The following RPS6KA2 variants were observed in gnomAD, a reference collection of about 807,000 sequenced individuals.
The protein encoded by RPS6KA2 is ribosomal protein S6 kinase A2.
Under a neutral mutation model 91.8 loss-of-function variants are expected in RPS6KA2, and 42 were observed. The ratio of observed to expected loss-of-function variants is 0.46; its 90% CI spans 0.36 to 0.59. The LOEUF (loss-of-function observed/expected upper bound fraction) is 0.59, where lower values mean the gene tolerates loss of function less well. RPS6KA2 is among the 20% of genes least tolerant of loss of function. The probability of loss-of-function intolerance (pLI) is 0.00; values close to 1 mark genes in which losing one functional copy is unlikely to be tolerated. For missense variants in RPS6KA2, 798 were observed against 978.5 expected (o/e 0.82, Z 2.46); for synonymous variants, 414 against 393.6 (o/e 1.05, Z -0.61).
rs143174202 is a variant in RPS6KA2 at position 166,648,510 on chromosome 6, C to T, written c.124-109726G>A. On this transcript the variant is annotated intron_variant, in intron 2 of 21. Transcript: ENST00000503859. The surrounding 1 kb of genome is among the most constrained non-coding windows in gnomAD (Gnocchi z 4.8). ...TCATTTGACAAACAGGCAGCTGGCA[C>T]GGGAAGGGGACGGGCATTTAATAAA... 3.2e-4 allele frequency among the ~76,000 whole-genome samples: 48 copies of T among 152,280 alleles called. No homozygotes were observed. The East Asian group carries it at 3.7e-3, about 12-fold the overall frequency.
chr6:166,568,528 G>A (rs1429138968), intron 1 of RPS6KA2, among the ~76,000 whole-genome samples: 1 of 146,888 alleles, frequency 6.8e-6, no homozygotes, highest in Non-Finnish European at 1.5e-5. Flanking sequence ...TGAGGCAGGA[G>A]AATTGCTTGA....
At chr6:166,862,310 G>A in exon 1 of RPS6KA2, 2 of 1,546,424 alleles carry the variant, frequency 1.3e-6, no homozygotes, top group Non-Finnish European at 1.7e-6. Context: ...CGGCGATGGA[G>A]AGGACAGATC....
intron 1 of RPS6KA2, among the ~76,000 whole-genome samples, chr6:166,597,030 T>C (rs60310382): frequency 0.049 from 7,375 of 152,030 alleles, 591 homozygotes; most frequent in African/African-American, 0.17. Context: ...TCAGGCACAG[T>C]CATGGGAACA....
intron 1 of RPS6KA2, among the ~76,000 whole-genome samples, chr6:166,558,934 A>T (rs759586999): frequency 6.6e-6 from 1 of 152,132 alleles, no homozygotes; most frequent in Non-Finnish European, 1.5e-5. Flanking sequence ...GAAAGATTAT[A>T]TTGGAGTTTC....
At chr6:166,499,448 T>C (rs1447145485) in intron 7 of RPS6KA2, among the ~76,000 whole-genome samples, 2 of 152,232 alleles carry the variant, frequency 1.3e-5, no homozygotes, top group Non-Finnish European at 2.9e-5. Context: ...AAATCTCACC[T>C]TGAATTGTAA....
chr6:166,708,129 T>C (rs928731168), intron 2 of RPS6KA2, among the ~76,000 whole-genome samples: 12 of 152,250 alleles, frequency 7.9e-5, no homozygotes, highest in African/African-American at 2.9e-4. Flanking sequence ...ATACTTACAC[T>C]TATTTATTAA....
At chr6:166,497,065 A>G (rs4710059) in intron 8 of RPS6KA2, among the ~76,000 whole-genome samples, 84,012 of 152,084 alleles carry the variant, frequency 0.55, 26,292 homozygotes, top group African/African-American at 0.86. Flanking sequence ...ACGGCAAAGC[A>G]AACCTGCCTC....
At chr6:166,451,372 GCC>G in intron 12 of RPS6KA2, 139 bp from the exon 13 acceptor site, 6 of 858,538 alleles carry the variant, frequency 7.0e-6, no homozygotes, top group African/African-American at 1.7e-5. Context: ...CGTGGCGTAT[GCC>G]TGTGGTGGAG....
In RPS6KA2 at chr6:166,808,769, G is replaced by A. The variant is rs535286965; in HGVS notation, c.123+49431C>T. Among the ~76,000 whole-genome samples the A allele has an allele frequency of 3.9e-5, 6 of 152,264 alleles. No individual in the cohort carries two copies. In the South Asian group the frequency reaches 1.2e-3, roughly 32 times the overall value. ...GCACACTTTAGCAGTATCAAGTATAGTCATATAAAATGTAAATGTCAGTAT... is the reference window on the plus strand; with the variant it reads ...GCACACTTTAGCAGTATCAAGTATAATCATATAAAATGTAAATGTCAGTAT... On this transcript the variant is annotated intron_variant, in intron 2 of 21. Coordinates refer to the RPS6KA2 transcript ENST00000503859.
intron 1 of RPS6KA2, among the ~76,000 whole-genome samples, chr6:166,555,333 G>C (rs1188201251): frequency 6.6e-6 from 1 of 152,158 alleles, no homozygotes; most frequent in African/African-American, 2.4e-5. Context: ...ATTGTTCTGG[G>C]CTCTCCGACC....
At chr6:166,450,402 A>G (rs1779856788) in intron 13 of RPS6KA2, among the ~76,000 whole-genome samples, 1 of 78,414 alleles carries the variant, frequency 1.3e-5, no homozygotes, top group South Asian at 3.6e-4. Context: ...ACAGGAGATC[A>G]CCACAGGGAC....
chr6:166,590,421 A>G (rs1027402020), intron 1 of RPS6KA2, among the ~76,000 whole-genome samples: 2 of 152,160 alleles, frequency 1.3e-5, no homozygotes, highest in African/African-American at 4.8e-5. Flanking sequence ...GACAGATCCT[A>G]TTTCAGGGCT....
intron 2 of RPS6KA2, among the ~76,000 whole-genome samples, chr6:166,633,421 T>C (rs1787143259): frequency 6.6e-6 from 1 of 152,252 alleles, no homozygotes; most frequent in Non-Finnish European, 1.5e-5. Context: ...GGAAACATTT[T>C]GGATCCTTGA....
chr6:166,614,705 G>A (rs1334839789), intron 1 of RPS6KA2, among the ~76,000 whole-genome samples: 1 of 152,184 alleles, frequency 6.6e-6, no homozygotes, highest in Non-Finnish European at 1.5e-5. Context: ...TCCCTCCGGT[G>A]ACTCCATGTC....
At chr6:166,673,261 C>A (rs1397796782) in intron 2 of RPS6KA2, among the ~76,000 whole-genome samples, 2 of 152,170 alleles carry the variant, frequency 1.3e-5, no homozygotes, top group Non-Finnish European at 2.9e-5. Flanking sequence ...ACCAGGGGTG[C>A]AGGCTGCGGC....
rs186826960 is a variant in RPS6KA2, at chr6:166,720,703, T to C, written c.123+137497A>G. Among the ~76,000 whole-genome samples, 123 of 152,386 alleles carry C rather than the reference T, an allele frequency of 8.1e-4. 1 individual carries two copies. Among genetic ancestry groups the C allele is most frequent in the Non-Finnish European group, 1.4e-3 (96 of 68,036 alleles). The stretch of plus-strand genomic sequence containing the variant: ...AGAAAAATGACCTCTGTGTATTAAA[T>C]GTCTAGTTTGTGCCTCGCATTTTAC... On this transcript the variant is annotated intron_variant, in intron 2 of 21. Transcript: ENST00000503859.
At chr6:166,571,350 T>G (rs1329448140) in intron 1 of RPS6KA2, among the ~76,000 whole-genome samples, 2 of 152,242 alleles carry the variant, frequency 1.3e-5, no homozygotes, top group Admixed American at 6.5e-5. Context: ...AAGAGGTTGC[T>G]GCTTCCCGAA....
At chr6:166,617,880 A>G in intron 1 of RPS6KA2, among the ~76,000 whole-genome samples, 1 of 152,220 alleles carries the variant, frequency 6.6e-6, no homozygotes, top group East Asian at 1.9e-4. Context: ...CCTTCTGCAC[A>G]AGCTTCACCA....
intron 2 of RPS6KA2, among the ~76,000 whole-genome samples, chr6:166,797,020 T>C (rs533738826): frequency 6.6e-6 from 1 of 152,364 alleles, no homozygotes; most frequent in South Asian, 2.1e-4. Flanking sequence ...TTGAGAGCAG[T>C]TCATGAAGAG....
Sources: allele counts gnomAD v4.1 joint callset (sites outside exome capture counted in the v4.1 genomes callset), GRCh38; gene constraint gnomAD v4.1.1; non-coding constraint Gnocchi (gnomAD v3.1); transcripts MANE v1.5; gene names NCBI Gene and HGNC (gene_info 2026-07-23, HGNC 2026-07-21).